COBL: variants seen among roughly 807,000 people sequenced by gnomAD.
The protein encoded by COBL is protein cordon-bleu.
Under a neutral mutation model 98.8 loss-of-function variants are expected in COBL, and 51 were observed. The observed-to-expected ratio is 0.52, with a 90% CI of 0.41 to 0.65. COBL has a LOEUF of 0.65. Ranked by LOEUF, COBL falls within the 30% of genes least tolerant of loss-of-function variation. COBL has a pLI of 0.00. For missense variants in COBL, 1,617 were observed against 1,617.5 expected (o/e 1.00, Z 0.01); for synonymous variants, 634 against 651.7 (o/e 0.97, Z 0.41).
chr7:51,125,097 G>C (rs12669704), intron 6 of COBL, among the ~76,000 whole-genome samples: 58,556 of 152,094 alleles, frequency 0.38, 11,451 homozygotes, highest in Middle Eastern at 0.53. Flanking sequence ...ACAGGCGTGA[G>C]CCACGGTGCC....
chr7:51,078,538 G>A (rs1332589064), intron 7 of COBL, among the ~76,000 whole-genome samples: 1 of 152,256 alleles, frequency 6.6e-6, no homozygotes, highest in Non-Finnish European at 1.5e-5. Context: ...GTAGGTTTGA[G>A]ATGGGTTTCA....
intron 1 of COBL, among the ~76,000 whole-genome samples, chr7:51,220,204 C>T (rs1476210461): frequency 6.6e-6 from 1 of 152,154 alleles, no homozygotes; most frequent in African/African-American, 2.4e-5. Context: ...AGCCTGTATT[C>T]ACAGGATCTG....
At chr7:51,234,438 C>A (rs576147685) in intron 1 of COBL, among the ~76,000 whole-genome samples, 1 of 152,358 alleles carries the variant, frequency 6.6e-6, no homozygotes, top group Admixed American at 6.5e-5. Context: ...CAGTGACTCA[C>A]GCCTGTAATC....
At chr7:51,109,851 A>T (rs923005766) in intron 6 of COBL, among the ~76,000 whole-genome samples, 1 of 152,116 alleles carries the variant, frequency 6.6e-6, no homozygotes, top group South Asian at 2.1e-4. Flanking sequence ...AGGCAGCCAC[A>T]TGTTTCCGTG....
At chr7:51,304,933 C>T (rs531177104) in intron 1 of COBL, among the ~76,000 whole-genome samples, 3 of 152,116 alleles carry the variant, frequency 2.0e-5, no homozygotes, top group Non-Finnish European at 4.4e-5. Context: ...CTTCCACTCA[C>T]GTTCTGTAGG....
intron 12 of COBL, among the ~76,000 whole-genome samples, chr7:51,018,913 T>A (rs375966442): frequency 0.22 from 2,409 of 11,020 alleles, 447 homozygotes; most frequent in Non-Finnish European, 0.33. Context: ...AAAATATATA[T>A]ATATATATAT....
At position 51,135,801 on chromosome 7, in the gene COBL, G is replaced by A. The variant is rs1253108315; in HGVS notation, c.957+357C>T. On this transcript the variant is annotated intron_variant, in intron 6 of 12. Transcript: ENST00000265136. ...TAAATGTTGGCATTTGTGGCATGCT[G>A]CCTCCACAGGAAGCTGGGATGCAGT... Among the ~76,000 whole-genome samples, 10 of 152,314 alleles carry A rather than the reference G, an allele frequency of 6.6e-5. No homozygotes were observed. The East Asian group carries it at 1.7e-3, about 26-fold the overall frequency.
intron 5 of COBL, among the ~76,000 whole-genome samples, chr7:51,174,978 G>A (rs1788233184): frequency 6.6e-6 from 1 of 152,112 alleles, no homozygotes; most frequent in Non-Finnish European, 1.5e-5. Flanking sequence ...CCAGCTCTTG[G>A]TACCAGCAAC....
chr7:51,178,379 G>A (rs1262493176), intron 5 of COBL, among the ~76,000 whole-genome samples: 13 of 152,130 alleles, frequency 8.5e-5, no homozygotes, highest in Non-Finnish European at 1.9e-4. Context: ...AAACTTATCT[G>A]TGTGGTCAAA....
chr7:51,085,489 GA>G (rs1435390390), intron 6 of COBL, among the ~76,000 whole-genome samples, 185 bp from the exon 7 acceptor site: 1 of 152,200 alleles, frequency 6.6e-6, no homozygotes, highest in Non-Finnish European at 1.5e-5. Flanking sequence ...GCCATGAGGC[GA>G]GAGACCAGCG....
chr7:51,283,760 T>C (rs901655466), intron 1 of COBL, among the ~76,000 whole-genome samples: 6 of 152,058 alleles, frequency 3.9e-5, no homozygotes, highest in Non-Finnish European at 8.8e-5. Context: ...GCTGGGATTA[T>C]AGTTGTGAGC....
chr7:51,186,345 T>C (rs939252274), intron 4 of COBL, among the ~76,000 whole-genome samples: 7 of 152,144 alleles, frequency 4.6e-5, no homozygotes, highest in African/African-American at 1.7e-4. Flanking sequence ...TTTCACACCA[T>C]GGTAAAGTTG....
At chr7:51,190,219 T>G (rs1789961693) in intron 4 of COBL, among the ~76,000 whole-genome samples, 1 of 152,132 alleles carries the variant, frequency 6.6e-6, no homozygotes, top group Non-Finnish European at 1.5e-5. Flanking sequence ...AGATAATTTT[T>G]TTTTTAAAGA....
chr7:51,025,517 T>C (rs1295171980), intron 11 of COBL, 145 bp from the exon 12 acceptor site: 1 of 768,952 alleles, frequency 1.3e-6, no homozygotes, highest in Non-Finnish European at 2.1e-6. Context: ...TGAATGGGAT[T>C]AGTGCTCTTA....
intron 4 of COBL, 24 bp downstream of exon 4, chr7:51,190,826 G>A: frequency 6.3e-7 from 1 of 1,592,840 alleles, no homozygotes; most frequent in Admixed American, 1.7e-5. Flanking sequence ...ATGGGCAGGT[G>A]CGTGAGACGC....
intron 7 of COBL, among the ~76,000 whole-genome samples, chr7:51,055,973 T>C (rs1330503984): frequency 1.3e-5 from 2 of 152,172 alleles, no homozygotes; most frequent in Non-Finnish European, 2.9e-5. Context: ...GCAGATTCCA[T>C]TTCCCATCTC....
intron 7 of COBL, among the ~76,000 whole-genome samples, chr7:51,063,625 A>C (rs1412286959): frequency 1.3e-5 from 2 of 152,194 alleles, no homozygotes; most frequent in African/African-American, 4.8e-5. Context: ...CCCCACGAAG[A>C]CCCTGAGGAA....
At chr7:51,281,227 C>A (rs1197481617) in intron 1 of COBL, among the ~76,000 whole-genome samples, 1 of 152,054 alleles carries the variant, frequency 6.6e-6, no homozygotes, top group Admixed American at 6.5e-5. Context: ...GCATACAGGT[C>A]AACAGAAATC....
intron 1 of COBL, among the ~76,000 whole-genome samples, chr7:51,275,438 A>G (rs563876115): frequency 2.8e-4 from 42 of 152,292 alleles, no homozygotes; most frequent in Middle Eastern, 3.4e-3. Flanking sequence ...CTGGGGAACC[A>G]CTGCCTCCAG....
Sources: gnomAD v4.1 joint callset for allele counts (sites outside exome capture counted in the v4.1 genomes callset) on GRCh38, gnomAD v4.1.1 for gene constraint, MANE v1.5 for transcripts, NCBI Gene and HGNC (gene_info 2026-07-23, HGNC 2026-07-21) for gene names.